ST6GALNAC3: variants seen among roughly 807,000 people sequenced by gnomAD.
ST6GALNAC3 encodes the protein ST6 N-acetylgalactosaminide alpha-2,6-sialyltransferase 3.
In ST6GALNAC3, 25 loss-of-function variants were observed where a neutral mutation model predicts 32.7. The ratio of observed to expected loss-of-function variants is 0.76; its 90% CI spans 0.56 to 1.07. The LOEUF (loss-of-function observed/expected upper bound fraction) is 1.07, where lower values mean the gene tolerates loss of function less well. Ranked by LOEUF, ST6GALNAC3 falls within the 50% of genes least tolerant of loss-of-function variation. ST6GALNAC3 has a pLI of 0.00. For synonymous variants in ST6GALNAC3, 129 were observed against 133.1 expected (o/e 0.97, Z 0.21); for missense variants, 355 against 382.4 (o/e 0.93, Z 0.60).
chr1:76,362,066 G>A (rs1650002164), intron 2 of ST6GALNAC3, among the ~76,000 whole-genome samples: 1 of 151,892 alleles, frequency 6.6e-6, no homozygotes, highest in Non-Finnish European at 1.5e-5. Context: ...GGTTCCATAG[G>A]CTGTACAGGA....
At chr1:76,505,935 CCTT>C (rs1217822430) in intron 3 of ST6GALNAC3, among the ~76,000 whole-genome samples, 1 of 151,934 alleles carries the variant, frequency 6.6e-6, no homozygotes, top group Non-Finnish European at 1.5e-5. Flanking sequence ...CTGAGGGTAA[CCTT>C]CTTATTTAAC....
rs556737768 is a variant in ST6GALNAC3 at position 76,113,528 on chromosome 1, G to GT, written c.18+38655dup. ...TTTTTTTGGTTTATTTTGTTTTTCT[G>GT]TTTTTTTTTTTCCAAGATGGACACT... On this transcript the variant is annotated intron_variant, in intron 1 of 4. Transcript: ENST00000328299. Among the ~76,000 whole-genome samples the GT allele has an allele frequency of 7.6e-3, 1,120 of 146,448 alleles. 13 individuals are homozygous for GT. Among genetic ancestry groups the GT allele is most frequent in the African/African-American group, 0.018 (705 of 40,260 alleles).
At chr1:76,293,403 C>G (rs759267540) in intron 1 of ST6GALNAC3, among the ~76,000 whole-genome samples, 15 of 152,154 alleles carry the variant, frequency 9.9e-5, no homozygotes, top group Non-Finnish European at 1.9e-4. Context: ...TGATCTTTAG[C>G]CCCATACAAA....
intron 3 of ST6GALNAC3, among the ~76,000 whole-genome samples, chr1:76,512,804 A>G (rs1571474094): frequency 6.6e-6 from 1 of 151,964 alleles, no homozygotes; most frequent in African/African-American, 2.4e-5. Context: ...TATACACACA[A>G]ACACACACAC....
At chr1:76,105,959 A>G (rs1647500147) in intron 1 of ST6GALNAC3, among the ~76,000 whole-genome samples, 1 of 152,216 alleles carries the variant, frequency 6.6e-6, no homozygotes, top group Non-Finnish European at 1.5e-5. Context: ...TAACATGGAA[A>G]GAGTATAAGC....
At chr1:76,490,812 A>G (rs1411457994) in intron 3 of ST6GALNAC3, among the ~76,000 whole-genome samples, 3 of 151,852 alleles carry the variant, frequency 2.0e-5, no homozygotes, top group Non-Finnish European at 2.9e-5. Flanking sequence ...GTGGGCCTGC[A>G]GTCTGGGAAT....
intron 1 of ST6GALNAC3, among the ~76,000 whole-genome samples, chr1:76,158,419 G>A (rs748270241): frequency 6.6e-6 from 1 of 152,128 alleles, no homozygotes; most frequent in Admixed American, 6.5e-5. Context: ...TGACATGAAG[G>A]CACCTTTATA....
chr1:76,160,891 TATC>T (rs1651763069), intron 1 of ST6GALNAC3, among the ~76,000 whole-genome samples: 2 of 101,470 alleles, frequency 2.0e-5, no homozygotes, highest in East Asian at 8.4e-4. Flanking sequence ...ATACTTCAAA[TATC>T]TTCTTCTCTA....
At chr1:76,507,478 C>G (rs1661552097) in intron 3 of ST6GALNAC3, among the ~76,000 whole-genome samples, 1 of 152,172 alleles carries the variant, frequency 6.6e-6, no homozygotes, top group Non-Finnish European at 1.5e-5. Flanking sequence ...AACCACCAAT[C>G]TACTTTCTGT....
At chr1:76,475,977 G>T (rs963350719) in intron 3 of ST6GALNAC3, among the ~76,000 whole-genome samples, 1 of 152,168 alleles carries the variant, frequency 6.6e-6, no homozygotes, top group African/African-American at 2.4e-5. Flanking sequence ...GTGTTAGTTT[G>T]CTGAGAATGA....
At chr1:76,141,713 C>T (rs1650336261) in intron 1 of ST6GALNAC3, among the ~76,000 whole-genome samples, 1 of 152,156 alleles carries the variant, frequency 6.6e-6, no homozygotes, top group Admixed American at 6.5e-5. Context: ...TACATCCCCT[C>T]CCATCTGGAA....
intron 1 of ST6GALNAC3, among the ~76,000 whole-genome samples, chr1:76,078,789 AT>A (rs1245481349): frequency 2.0e-5 from 3 of 150,884 alleles, no homozygotes; most frequent in East Asian, 1.9e-4. Context: ...TATTATTATT[AT>A]TTTTTTTTGA....
intron 1 of ST6GALNAC3, among the ~76,000 whole-genome samples, chr1:76,087,522 A>G (rs1477060349): frequency 1.3e-5 from 2 of 152,210 alleles, no homozygotes; most frequent in African/African-American, 4.8e-5. Context: ...TAGGGTGTGT[A>G]TGAATAGTAA....
intron 3 of ST6GALNAC3, among the ~76,000 whole-genome samples, chr1:76,480,931 A>G (rs1193998369): frequency 6.6e-6 from 1 of 152,040 alleles, no homozygotes; most frequent in Non-Finnish European, 1.5e-5. Context: ...AGAAATAGAG[A>G]CTTAGAGAAG....
At chr1:76,403,555 C>T (rs1291332951) in intron 2 of ST6GALNAC3, among the ~76,000 whole-genome samples, 1 of 152,028 alleles carries the variant, frequency 6.6e-6, no homozygotes, top group Non-Finnish European at 1.5e-5. Flanking sequence ...AAATTATGTG[C>T]AGGTGCCATC....
intron 3 of ST6GALNAC3, among the ~76,000 whole-genome samples, chr1:76,556,617 G>A (rs527814995): frequency 3.3e-5 from 5 of 152,030 alleles, no homozygotes; most frequent in Admixed American, 2.6e-4. Flanking sequence ...GCATTTCCTA[G>A]TTGGCTAATA....
Position 76,629,865 on chromosome 1 carries a change from A to G in ST6GALNAC3, c.*1059A>G, listed in dbSNP as rs1048115736. 2 of 984,808 alleles carry G rather than the reference A, an allele frequency of 2.0e-6. No homozygotes were observed. The highest frequency in any genetic ancestry group is 2.4e-6 in the Non-Finnish European group (2 of 829,466). 61.0% of individuals were successfully genotyped at this position (984,808 alleles called of 1,614,324 possible). On this transcript the variant is annotated 3_prime_UTR_variant, in exon 5 of 5. Transcript: ENST00000328299. ...CTCCAAACATTACATTCTCATTGCC[A>G]AGTGCCAGCTGTTACACATGGAGAG...
At chr1:76,367,564 A>G (rs1650473711) in intron 2 of ST6GALNAC3, among the ~76,000 whole-genome samples, 1 of 152,122 alleles carries the variant, frequency 6.6e-6, no homozygotes, top group Non-Finnish European at 1.5e-5. Context: ...TTTTATTTTT[A>G]TTATAAACCC....
At position 76,204,925 on chromosome 1, in the gene ST6GALNAC3, T is replaced by C. The variant is rs572803746; in HGVS notation, c.19-108880T>C. ...CTTAGGGTTCTTTCGCAGACTTAGA[T>C]GAATTGATATATGCAAATGTGCTTA... is the stretch of plus-strand genomic sequence containing the variant. On this transcript the variant is annotated intron_variant, in intron 1 of 4. Coordinates refer to ENST00000328299, the MANE Select transcript of ST6GALNAC3 (RefSeq NM_152996.4). Among the ~76,000 whole-genome samples the C allele has an allele frequency of 5.9e-5, 9 of 152,288 alleles. 2 individuals are homozygous for C. Among genetic ancestry groups the C allele is most frequent in the African/African-American group, 1.9e-4 (8 of 41,566 alleles).
Sources: gnomAD v4.1 joint callset for allele counts (sites outside exome capture counted in the v4.1 genomes callset) on GRCh38, gnomAD v4.1.1 for gene constraint, MANE v1.5 for transcripts, NCBI Gene and HGNC (gene_info 2026-07-23, HGNC 2026-07-21) for gene names.